PARPBP: variants seen among roughly 807,000 people sequenced by gnomAD.
PARPBP encodes PARP1 binding protein, also known as PCNA-interacting partner.
In PARPBP, 52 loss-of-function variants were observed where a neutral mutation model predicts 50.0. That is an observed-to-expected ratio of 1.04 (90% CI 0.83 to 1.31). The LOEUF (loss-of-function observed/expected upper bound fraction) is 1.31, where lower values mean the gene tolerates loss of function less well. PARPBP is among the 50% of genes most tolerant of loss of function. The pLI, the probability that PARPBP is intolerant of heterozygous loss-of-function variation, is 0.00. For missense variants in PARPBP, 697 were observed against 672.0 expected (o/e 1.04, Z -0.41); for synonymous variants, 244 against 232.1 (o/e 1.05, Z -0.47).
At chr12:102,170,839 T>C (rs1888616558) in intron 6 of PARPBP, among the ~76,000 whole-genome samples, 1 of 152,060 alleles carries the variant, frequency 6.6e-6, no homozygotes, top group African/African-American at 2.4e-5. Context: ...ACAAATACAT[T>C]GTACAGCTGT....
At chr12:102,171,337 CAT>C (rs1053177858) in intron 6 of PARPBP, among the ~76,000 whole-genome samples, 13 of 152,070 alleles carry the variant, frequency 8.5e-5, no homozygotes, top group Non-Finnish European at 1.9e-4. Context: ...TCACCACAAA[CAT>C]GTGAGTGATG....
intron 2 of PARPBP, among the ~76,000 whole-genome samples, chr12:102,125,339 C>A (rs1183108923): frequency 1.3e-5 from 2 of 151,982 alleles, no homozygotes; most frequent in Non-Finnish European, 1.5e-5. Context: ...ATACAGAAAA[C>A]AATAAAACAT....
At chr12:102,151,286 C>T (rs1251218665) in intron 3 of PARPBP, among the ~76,000 whole-genome samples, 3 of 152,084 alleles carry the variant, frequency 2.0e-5, no homozygotes, top group East Asian at 1.9e-4. Context: ...GTGGGGGTGC[C>T]GCGGGTGCTT....
At chr12:102,152,293 G>A (rs892282015) in intron 3 of PARPBP, among the ~76,000 whole-genome samples, 1 of 152,212 alleles carries the variant, frequency 6.6e-6, no homozygotes, top group African/African-American at 2.4e-5. Context: ...AGAGACAGGT[G>A]TAAAGATTTA....
chr12:102,178,610 AAC>A lies in PARPBP; in HGVS notation c.1025_1026del (p.Asn342ThrfsTer24). ...SPARPKSHAI[N>X]HGTAYCGRDT... is the part of the protein sequence containing the mutation. ...GTCTCAGCCAAAATCTCATGCCATA[AAC>A]CATGGTACTGCATACTGTGGCAGAG... On this transcript the variant is annotated frameshift_variant, in exon 8 of 11. Coordinates refer to ENST00000327680, the MANE Select transcript of PARPBP (RefSeq NM_017915.5). LOFTEE classifies it high-confidence loss of function. 6.3e-7 allele frequency: 1 copy of A among 1,587,438 alleles called. No individual in the cohort carries two copies. Among genetic ancestry groups the A allele is most frequent in the African/African-American group, 1.4e-5 (1 of 73,726 alleles).
At chr12:102,155,873 C>T (rs145414714) in intron 4 of PARPBP, among the ~76,000 whole-genome samples, 16 of 152,288 alleles carry the variant, frequency 1.1e-4, no homozygotes, top group South Asian at 2.1e-4. Context: ...TGCTCCCAAG[C>T]GGCTAAAGGC....
chr12:102,148,662 T>C (rs1885760207), intron 3 of PARPBP, 199 bp downstream of exon 3: 2 of 429,426 alleles, frequency 4.7e-6, no homozygotes, highest in South Asian at 1.1e-4. Context: ...TGGACTTGTG[T>C]TATTGTTATT....
intron 2 of PARPBP, among the ~76,000 whole-genome samples, chr12:102,125,062 A>G (rs528918415): frequency 6.6e-6 from 1 of 152,360 alleles, no homozygotes; most frequent in Non-Finnish European, 1.5e-5. Context: ...CATATTTTAA[A>G]CAATGCATGT....
intron 7 of PARPBP, among the ~76,000 whole-genome samples, chr12:102,176,920 A>G (rs1239327237): frequency 1.3e-5 from 2 of 152,202 alleles, no homozygotes; most frequent in Non-Finnish European, 2.9e-5. Context: ...CCAGGTTATT[A>G]CTATAAGTAT....
Position 102,196,504 on chromosome 12 carries a change from A to G in PARPBP, c.*213A>G, listed in dbSNP as rs1271347920. On this transcript the variant is annotated 3_prime_UTR_variant, in exon 11 of 11. Coordinates refer to ENST00000327680, the MANE Select transcript of PARPBP (RefSeq NM_017915.5). Reference sequence around the variant, plus strand: ...GTTTAATGCACAGAGAAAGCATATCATTTCAGTTACTGATACATCTTAACA... The same window carrying G: ...GTTTAATGCACAGAGAAAGCATATCGTTTCAGTTACTGATACATCTTAACA... The G allele has an allele frequency of 1.3e-6, 1 of 750,624 alleles. No individual in the cohort carries two copies. The highest frequency in any genetic ancestry group is 1.8e-5 in the African/African-American group (1 of 57,106). The allele number at this position is 750,624 out of a possible 1,614,324, so 46.5% of individuals were successfully genotyped here. A position where few individuals can be genotyped will look rare whatever the true frequency, so the allele number is the denominator to read the frequency against.
At chr12:102,192,659 A>G (rs576846925) in intron 9 of PARPBP, among the ~76,000 whole-genome samples, 4 of 152,034 alleles carry the variant, frequency 2.6e-5, no homozygotes, top group African/African-American at 9.6e-5. Flanking sequence ...ATTATTTTCT[A>G]CTTATGGTTC....
rs148169413 is a variant in PARPBP at position 102,148,410 on chromosome 12, C to G, written c.334C>G (p.Gln112Glu). The G allele has an allele frequency of 2.6e-6, 4 of 1,565,850 alleles. No homozygotes were observed. Among genetic ancestry groups the G allele is most frequent in the Admixed American group, 1.7e-5 (1 of 59,114 alleles). Residue 112 changes from glutamine (Q) to glutamate (E), a missense_variant, in exon 3 of 11, where the codon CAA (glutamine) becomes GAA (glutamate). By Grantham distance (29) the Gln-to-Glu change is conservative. Transcript: ENST00000327680. ...TATGTTAGATCTGATTGATGTTTAT[C>G]AAAAATGTAGGGCTTTGACTTCTAA... ...SNMLDLIDVYQKCRALTSNCE... is the reference protein window; with the variant it reads ...SNMLDLIDVYEKCRALTSNCE...
chr12:102,197,218 G>C lies in PARPBP; in HGVS notation c.*927G>C. 2 of 1,354,402 alleles carry C rather than the reference G, an allele frequency of 1.5e-6. No individual in the cohort carries two copies. The highest frequency in any genetic ancestry group is 2.4e-5 in the South Asian group (2 of 83,848). The allele number at this position is 1,354,402 out of a possible 1,614,324, so 83.9% of individuals were successfully genotyped here. ...GGTTTTTAGCTATCGTATTCGGAGT[G>C]GAACTATAATACAATTGTATAATAT... On this transcript the variant is annotated 3_prime_UTR_variant, in exon 11 of 11. Coordinates refer to ENST00000327680, the MANE Select transcript of PARPBP (RefSeq NM_017915.5).
At chr12:102,172,573 G>A (rs142098205) in intron 6 of PARPBP, among the ~76,000 whole-genome samples, 34 of 152,290 alleles carry the variant, frequency 2.2e-4, no homozygotes, top group Non-Finnish European at 4.6e-4. Flanking sequence ...GAGCACTACT[G>A]TTTGGGGTAT....
chr12:102,176,231 C>G (rs192136020), intron 7 of PARPBP, among the ~76,000 whole-genome samples: 1 of 152,192 alleles, frequency 6.6e-6, no homozygotes, highest in South Asian at 2.1e-4. Context: ...ATCTGCCCGC[C>G]TCGGCCTCCC....
intron 2 of PARPBP, among the ~76,000 whole-genome samples, chr12:102,145,761 C>A (rs1885256209): frequency 6.6e-6 from 1 of 152,142 alleles, no homozygotes. Context: ...TGATTACTAA[C>A]ATCTGACAAC....
At chr12:102,142,902 A>G (rs988455298) in intron 2 of PARPBP, among the ~76,000 whole-genome samples, 1 of 152,170 alleles carries the variant, frequency 6.6e-6, no homozygotes, top group Non-Finnish European at 1.5e-5. Flanking sequence ...GTCGGCCCCT[A>G]CTGGGAGGTG....
At chr12:102,140,386 T>C (rs997502605) in intron 2 of PARPBP, among the ~76,000 whole-genome samples, 2 of 152,206 alleles carry the variant, frequency 1.3e-5, no homozygotes, top group African/African-American at 4.8e-5. Flanking sequence ...TCTTCTTTAT[T>C]AGTCTTACTA....
intron 1 of PARPBP, among the ~76,000 whole-genome samples, chr12:102,121,391 C>T (rs1881045699): frequency 6.6e-6 from 1 of 152,136 alleles, no homozygotes. Context: ...CAGCTATACT[C>T]ATTTGTTTGT....
Sources: allele counts gnomAD v4.1 joint callset (sites outside exome capture counted in the v4.1 genomes callset), GRCh38; gene constraint gnomAD v4.1.1; transcripts MANE v1.5; gene names NCBI Gene and HGNC (gene_info 2026-07-23, HGNC 2026-07-21).